Variants in ACADM observed in about 807,000 individuals in gnomAD.
ACADM encodes acyl-CoA dehydrogenase medium chain, also known as medium-chain specific acyl-CoA dehydrogenase, mitochondrial.
ACADM carries 49 observed loss-of-function variants against 58.9 expected under a neutral mutation model. The observed-to-expected ratio is 0.83, with a 90% CI of 0.66 to 1.06. The LOEUF (loss-of-function observed/expected upper bound fraction) is 1.06. Ranked by LOEUF, ACADM falls within the 50% of genes least tolerant of loss-of-function variation. ACADM has a pLI of 0.00. For missense variants in ACADM, 496 were observed against 507.0 expected (o/e 0.98, Z 0.21); for synonymous variants, 160 against 157.7 (o/e 1.01, Z -0.11).
At chr1:75,751,995 CTT>C (rs34262751) in intron 10 of ACADM, among the ~76,000 whole-genome samples, 12 of 140,234 alleles carry the variant, frequency 8.6e-5, no homozygotes, top group East Asian at 2.0e-4. Flanking sequence ...TCCTATTTCT[CTT>C]TTTTTTTTTT....
intron 2 of ACADM, among the ~76,000 whole-genome samples, chr1:75,730,267 A>T (rs567951990): frequency 2.4e-4 from 37 of 152,188 alleles, no homozygotes; most frequent in South Asian, 4.1e-4. Flanking sequence ...CTCTCTCAGT[A>T]GTAAGAGACT....
chr1:75,733,715 AAAAAG>A lies in ACADM; in HGVS notation c.387+88_387+92del. ...AAGAAGTTGGATTTTTAGAAGAAAA[AAAAAG>A]GAAAGTCAGTTACTACTAGGTAAGG... is the stretch of plus-strand genomic sequence containing the variant. On this transcript the variant is annotated intron_variant, in intron 5 of 11. Coordinates refer to ENST00000370841, the MANE Select transcript of ACADM (RefSeq NM_000016.6). 9 of 1,153,616 alleles carry A rather than the reference AAAAAG, an allele frequency of 7.8e-6. No homozygotes were observed. The South Asian group carries it at 1.1e-4, about 14-fold the overall frequency. The allele number at this position is 1,153,616 out of a possible 1,614,324, so 71.5% of individuals were successfully genotyped here.
rs543388735 is a variant in ACADM at position 75,728,470 on chromosome 1, G to A, written c.100G>A (p.Gly34Arg). ...HTKANRQREPGLGFSFEFTEQ... is the reference protein window; with the variant it reads ...HTKANRQREPRLGFSFEFTEQ... Reference sequence around the variant, plus strand: ...AAAAGCCAATCGACAACGTGAACCAGGATTAGGATTTAGTTTTGGTATATG... The same window carrying A: ...AAAAGCCAATCGACAACGTGAACCAAGATTAGGATTTAGTTTTGGTATATG... The change falls in exon 2 of 12, where the codon GGA (glycine) becomes AGA (arginine). Residue 34 changes from glycine (G) to arginine (R), a missense_variant. Gly to Arg is a moderately radical substitution (Grantham distance 125, BLOSUM62 -2). Coordinates refer to ENST00000370841, the MANE Select transcript of ACADM (RefSeq NM_000016.6). 3 of 1,613,042 alleles carry A rather than the reference G, an allele frequency of 1.9e-6. No individual in the cohort carries two copies. The South Asian group carries it at 3.3e-5, about 18-fold the overall frequency.
chr1:75,763,111 G>A lies in ACADM; in HGVS notation c.*348G>A, dbSNP rs1311498152. 1 of 166,454 alleles carries A rather than the reference G, an allele frequency of 6.0e-6. No individual in the cohort carries two copies. The highest frequency in any genetic ancestry group is 1.3e-5 in the Non-Finnish European group (1 of 77,268). The allele number at this position is 166,454 out of a possible 1,614,324, so 10.3% of individuals were successfully genotyped here. On this transcript the variant is annotated 3_prime_UTR_variant, in exon 12 of 12. Transcript: ENST00000370841. ...AGTGGGCTTAGAAAGTATTCAAGAT[G>A]TTACAAAATTTACATTTAGAAAATA... is the stretch of plus-strand genomic sequence containing the variant.
intron 2 of ACADM, among the ~76,000 whole-genome samples, chr1:75,731,322 C>G (rs533018530): frequency 2.1e-5 from 3 of 146,316 alleles, no homozygotes; most frequent in Non-Finnish European, 4.5e-5. Context: ...TGATCTTATG[C>G]TCTTCAATTC....
At position 75,734,048 on chromosome 1, in the gene ACADM, C is replaced by T. The variant is rs1218304404; in HGVS notation, c.387+420C>T. On this transcript the variant is annotated intron_variant, in intron 5 of 11. Transcript: ENST00000370841. The stretch of plus-strand genomic sequence containing the variant: ...TCGCCCAGGCTGGAGTGTAGTAGCG[C>T]GATCTTGGCTCACTGCAACCTGCAC... 5.3e-5 allele frequency among the ~76,000 whole-genome samples: 8 copies of T among 152,032 alleles called. No individual in the cohort carries two copies. In the South Asian group the frequency reaches 6.2e-4, roughly 12 times the overall value.
intron 10 of ACADM, among the ~76,000 whole-genome samples, chr1:75,751,225 A>C (rs1420679743): frequency 6.6e-6 from 1 of 151,104 alleles, no homozygotes; most frequent in East Asian, 2.1e-4. Context: ...CTGTAGTCCC[A>C]GCTACTCGGG....
At chr1:75,734,183 A>ATTTTTTTTTTTTTTTTTTTT (rs1647198640) in intron 5 of ACADM, among the ~76,000 whole-genome samples, 1 of 68,790 alleles carries the variant, frequency 1.5e-5, no homozygotes, top group African/African-American at 6.5e-5. Context: ...TTTTTTTTTG[A>ATTTTTTTTTTTTTTTTTTTT]GACGGAGTCT....
At chr1:75,732,792 A>T in intron 3 of ACADM, 51 bp downstream of exon 3, 1 of 1,605,522 alleles carries the variant, frequency 6.2e-7, no homozygotes, top group Non-Finnish European at 8.5e-7. Flanking sequence ...TTTTTACAAG[A>T]TTATGTAATC....
intron 10 of ACADM, among the ~76,000 whole-genome samples, chr1:75,756,063 T>G (rs1342409709): frequency 6.6e-6 from 1 of 152,242 alleles, no homozygotes; most frequent in Non-Finnish European, 1.5e-5. Context: ...TGATGGAATG[T>G]ATCTCAAAAT....
chr1:75,732,526 A>G, intron 2 of ACADM, 118 bp from the exon 3 acceptor site: 1 of 840,176 alleles, frequency 1.2e-6, no homozygotes, highest in South Asian at 1.4e-5. Context: ...CTGTAGTCTG[A>G]GTTTCTGATA....
rs1647065335 is a variant in ACADM at position 75,726,843 on chromosome 1, C to CA, written c.31-1557dup. ...TTTTTGAGACGGAGTCTTGCTCTGT[C>CA]ACCCAGGCTGGAATGCAATGGTGCA... is the stretch of plus-strand genomic sequence containing the variant. On this transcript the variant is annotated intron_variant, in intron 1 of 11. Coordinates refer to ENST00000370841, the MANE Select transcript of ACADM (RefSeq NM_000016.6). Among the ~76,000 whole-genome samples, 3 of 133,894 alleles carry CA rather than the reference C, an allele frequency of 2.2e-5. No homozygotes were observed. The South Asian group carries it at 7.2e-4, about 32-fold the overall frequency. The allele number at this position is 133,894 out of a possible 152,430, so 87.8% of individuals were successfully genotyped here. A position where few individuals can be genotyped will look rare whatever the true frequency, so the allele number is the denominator to read the frequency against.
chr1:75,747,267 C>T (rs1269464411), intron 8 of ACADM, among the ~76,000 whole-genome samples: 2 of 151,288 alleles, frequency 1.3e-5, no homozygotes, highest in African/African-American at 4.9e-5. Flanking sequence ...TTTTCTTTGC[C>T]TAATTTTCTC....
intron 6 of ACADM, among the ~76,000 whole-genome samples, chr1:75,739,238 C>T (rs1301584174): frequency 6.6e-6 from 1 of 152,156 alleles, no homozygotes; most frequent in Non-Finnish European, 1.5e-5. Context: ...GTTTCTCAAG[C>T]CCCTTGTCTG....
intron 1 of ACADM, among the ~76,000 whole-genome samples, chr1:75,727,536 G>A (rs1570850115): frequency 6.6e-6 from 1 of 152,228 alleles, no homozygotes; most frequent in East Asian, 1.9e-4. Context: ...TTTTACTTTT[G>A]TATCCATTAA....
At chr1:75,733,153 A>G (rs1647180548) in intron 4 of ACADM, 1 of 1,612,558 alleles carries the variant, frequency 6.2e-7, no homozygotes, top group Admixed American at 1.7e-5. Flanking sequence ...AACCTTGGTA[A>G]CTTCCGTTTC....
At chr1:75,756,048 G>C (rs146261670) in intron 10 of ACADM, among the ~76,000 whole-genome samples, 7,458 of 152,204 alleles carry the variant, frequency 0.049, 279 homozygotes, top group African/African-American at 0.11. Context: ...CAATAAACTA[G>C]GTATTGATGG....
intron 2 of ACADM, among the ~76,000 whole-genome samples, chr1:75,730,987 C>T (rs1333678850): frequency 6.6e-6 from 1 of 151,856 alleles, no homozygotes; most frequent in African/African-American, 2.4e-5. Flanking sequence ...ATTAGTTTAT[C>T]AATAAAAAGA....
In ACADM at chr1:75,748,190, GAAAT is replaced by G. The variant is rs1257857443; in HGVS notation, c.709-1225_709-1222del. Among the ~76,000 whole-genome samples, 8 of 152,192 alleles carry G rather than the reference GAAAT, an allele frequency of 5.3e-5. No homozygotes were observed. In the East Asian group the frequency reaches 1.4e-3, roughly 26 times the overall value. ...TAATAGTCATATACAAAGAGAAAGAGAAATAAAAAATAAAGCAAATGTATCAAAA... is the reference window on the plus strand; with the variant it reads ...TAATAGTCATATACAAAGAGAAAGAGAAAAAATAAAGCAAATGTATCAAAA... On this transcript the variant is annotated intron_variant, in intron 8 of 11. Transcript: ENST00000370841.
Sources: gnomAD v4.1 joint callset for allele counts (sites outside exome capture counted in the v4.1 genomes callset) on GRCh38, gnomAD v4.1.1 for gene constraint, MANE v1.5 for transcripts, NCBI Gene and HGNC (gene_info 2026-07-23, HGNC 2026-07-21) for gene names.